Variants in UGT8 observed in about 807,000 individuals in gnomAD.
The protein encoded by UGT8 is UDP glycosyltransferase 8, also known as 2-hydroxyacylsphingosine 1-beta-galactosyltransferase.
A neutral mutation model predicts 40.5 loss-of-function variants in UGT8; 12 were observed. That is an observed-to-expected ratio of 0.30 (90% CI 0.19 to 0.48). The LOEUF (loss-of-function observed/expected upper bound fraction) is 0.48. UGT8 is among the 20% of genes least tolerant of loss of function. The pLI is 0.99. For synonymous variants in UGT8, 224 were observed against 240.4 expected (o/e 0.93, Z 0.63); for missense variants, 513 against 648.7 (o/e 0.79, Z 2.27).
chr4:114,624,055 A>T (rs1732028690), intron 2 of UGT8, among the ~76,000 whole-genome samples: 2 of 152,210 alleles, frequency 1.3e-5, no homozygotes, highest in South Asian at 4.1e-4. Context: ...TACACACAGA[A>T]TCCCCTCTGT....
intron 2 of UGT8, 102 bp from the exon 3 acceptor site, chr4:114,663,893 A>G: frequency 6.6e-7 from 1 of 1,519,384 alleles, no homozygotes; most frequent in Non-Finnish European, 8.8e-7. Context: ...TAATTGTTTA[A>G]GAAAATTACT....
At chr4:114,618,045 A>G (rs1731549772) in intron 1 of UGT8, among the ~76,000 whole-genome samples, 1 of 152,162 alleles carries the variant, frequency 6.6e-6, no homozygotes, top group Non-Finnish European at 1.5e-5. Flanking sequence ...CTTTATATAT[A>G]CATATATATC....
intron 2 of UGT8, among the ~76,000 whole-genome samples, chr4:114,629,943 G>C (rs979592603): frequency 6.6e-6 from 1 of 152,158 alleles, no homozygotes; most frequent in Non-Finnish European, 1.5e-5. Context: ...ATATTTTTAA[G>C]GGAAATATTT....
At chr4:114,648,289 G>A (rs1733698017) in intron 2 of UGT8, among the ~76,000 whole-genome samples, 1 of 151,710 alleles carries the variant, frequency 6.6e-6, no homozygotes, top group African/African-American at 2.4e-5. Flanking sequence ...GGTGAGGAAG[G>A]AGGGGTTGTA....
chr4:114,606,904 C>A (rs1730767907), intron 1 of UGT8, among the ~76,000 whole-genome samples: 1 of 152,116 alleles, frequency 6.6e-6, no homozygotes, highest in South Asian at 2.1e-4. Flanking sequence ...AAACAAAAAA[C>A]CCCCACATGC....
Position 114,623,386 on chromosome 4 carries a change from G to A in UGT8, c.506G>A (p.Gly169Asp). The change falls in exon 2 of 6, where the codon GGT becomes GAT. Residue 169 changes from glycine to aspartate, a missense_variant. Physicochemically the swap from Gly to Asp is moderately conservative, Grantham distance 94. Coordinates refer to ENST00000310836, the MANE Select transcript of UGT8 (RefSeq NM_001128174.3). Reference protein sequence around the residue: ...STGLWYPAEVGAPAPLAYVPE... With the variant: ...STGLWYPAEVDAPAPLAYVPE... ...GGCCTTTGGTATCCTGCTGAAGTGGGTGCTCCTGCTCCATTAGCATACGTC... is the reference window on the plus strand; with the variant it reads ...GGCCTTTGGTATCCTGCTGAAGTGGATGCTCCTGCTCCATTAGCATACGTC... 6.2e-7 allele frequency: 1 copy of A among 1,614,146 alleles called. No individual in the cohort carries two copies. The highest frequency in any genetic ancestry group is 8.5e-7 in the Non-Finnish European group (1 of 1,180,012).
chr4:114,640,955 G>T (rs959883268), intron 2 of UGT8, among the ~76,000 whole-genome samples: 1 of 152,038 alleles, frequency 6.6e-6, no homozygotes, highest in East Asian at 1.9e-4. Context: ...AAAAGGACAG[G>T]CTAGTCTTAC....
rs150551951 is a variant in UGT8, at chr4:114,623,016, C to G, written c.136C>G (p.His46Asp). The G allele has an allele frequency of 1.2e-6, 2 of 1,614,100 alleles. No homozygotes were observed. Among genetic ancestry groups the G allele is most frequent in the African/African-American group, 2.7e-5 (2 of 75,038 alleles). ...YIFKTLASAL[H>D]ERGHHTVFLL... ...TTTCAAGACGCTAGCCTCAGCCTTG[C>G]ACGAGAGAGGCCACCATACAGTGTT... Residue 46 changes from histidine to aspartate, a missense_variant, in exon 2 of 6, where the codon CAC becomes GAC. By Grantham distance (81) the His-to-Asp change is moderately conservative. This residue lies in a region of UGT8 where 335 missense variants were observed against 444.8 expected (regional missense o/e 0.75). Transcript: ENST00000310836.
At chr4:114,613,273 C>G (rs1731198838) in intron 1 of UGT8, among the ~76,000 whole-genome samples, 1 of 152,062 alleles carries the variant, frequency 6.6e-6, no homozygotes, top group Non-Finnish European at 1.5e-5. Context: ...GTCCAAAAAA[C>G]CTCAACATTT....
At chr4:114,635,425 A>C (rs1732831237) in intron 2 of UGT8, among the ~76,000 whole-genome samples, 1 of 152,202 alleles carries the variant, frequency 6.6e-6, no homozygotes. Flanking sequence ...TCCCCAGTGA[A>C]TATAATTGAA....
In UGT8 at chr4:114,605,849, G is replaced by A. The variant is rs1578398168; in HGVS notation, c.-3+6875G>A. Reference sequence around the variant, plus strand: ...AACACTTCTTAAATATTAAGTGATGGGCATACAGATGTTTGTTATGTTAAT... The same window carrying A: ...AACACTTCTTAAATATTAAGTGATGAGCATACAGATGTTTGTTATGTTAAT... On this transcript the variant is annotated intron_variant, in intron 1 of 5. Coordinates refer to ENST00000310836, the MANE Select transcript of UGT8 (RefSeq NM_001128174.3). Among the ~76,000 whole-genome samples the A allele has an allele frequency of 2.6e-5, 4 of 152,100 alleles. No individual in the cohort carries two copies. The Middle Eastern group carries it at 0.014, about 517-fold the overall frequency.
At chr4:114,642,000 G>T (rs1396822175) in intron 2 of UGT8, among the ~76,000 whole-genome samples, 1 of 152,078 alleles carries the variant, frequency 6.6e-6, no homozygotes, top group Middle Eastern at 3.2e-3. Flanking sequence ...ACATTAAAGG[G>T]ATATAAATAA....
chr4:114,638,760 G>T (rs953737614), intron 2 of UGT8, among the ~76,000 whole-genome samples: 2 of 152,202 alleles, frequency 1.3e-5, no homozygotes, highest in African/African-American at 4.8e-5. Flanking sequence ...TTTGGGTTAT[G>T]AATTCTCTAC....
chr4:114,675,244 T>A (rs2126141754), intron 5 of UGT8, among the ~76,000 whole-genome samples: 1 of 152,300 alleles, frequency 6.6e-6, no homozygotes, highest in African/African-American at 2.4e-5. Flanking sequence ...TCTAATAAAT[T>A]TAGTTTCCAT....
chr4:114,649,297 A>G (rs528974965), intron 2 of UGT8, among the ~76,000 whole-genome samples: 1 of 152,146 alleles, frequency 6.6e-6, no homozygotes, highest in Non-Finnish European at 1.5e-5. Flanking sequence ...ATACTGGCCT[A>G]GCCATATTTA....
chr4:114,655,387 G>C (rs1734122062), intron 2 of UGT8, among the ~76,000 whole-genome samples: 2 of 151,922 alleles, frequency 1.3e-5, no homozygotes, highest in African/African-American at 2.4e-5. Flanking sequence ...CACATAAGTT[G>C]TTTTGAAACA....
At chr4:114,648,664 G>T (rs1253955019) in intron 2 of UGT8, among the ~76,000 whole-genome samples, 1 of 152,142 alleles carries the variant, frequency 6.6e-6, no homozygotes, top group East Asian at 1.9e-4. Flanking sequence ...GGAAAGAAAA[G>T]AATGACCAGC....
chr4:114,651,401 A>T (rs1733888374), intron 2 of UGT8, among the ~76,000 whole-genome samples: 1 of 152,080 alleles, frequency 6.6e-6, no homozygotes, highest in Admixed American at 6.6e-5. Flanking sequence ...TTCTTTATAC[A>T]TGTTTCTCTT....
chr4:114,631,725 CAT>C (rs1294182612), intron 2 of UGT8, among the ~76,000 whole-genome samples: 1 of 152,186 alleles, frequency 6.6e-6, no homozygotes, highest in Non-Finnish European at 1.5e-5. Context: ...AATTTAAACT[CAT>C]ACAATCCATG....
Sources: gnomAD v4.1 joint callset for allele counts (sites outside exome capture counted in the v4.1 genomes callset) on GRCh38, gnomAD v4.1.1 for gene constraint, gnomAD v4.1.1 regional missense constraint, MANE v1.5 for transcripts, NCBI Gene and HGNC (gene_info 2026-07-23, HGNC 2026-07-21) for gene names.